The following LIMS2 variants were observed in gnomAD, a reference collection of about 807,000 sequenced individuals.
LIMS2 encodes the protein LIM and senescent cell antigen-like-containing domain protein 2.
A neutral mutation model predicts 45.3 loss-of-function variants in LIMS2; 30 were observed. That is an observed-to-expected ratio of 0.66 (90% CI 0.50 to 0.90). LIMS2 has a LOEUF of 0.90. Among genes scored for constraint, LIMS2 ranks in the 40% least tolerant of loss-of-function variants. The pLI, the probability that LIMS2 is intolerant of heterozygous loss-of-function variation, is 0.00. For missense variants in LIMS2, 485 were observed against 468.7 expected, an observed-to-expected ratio of 1.03 and a Z score of -0.32; for synonymous variants, 173 against 188.0, an observed-to-expected ratio of 0.92 and a Z score of 0.65.
chr2:127,642,409 G>T lies in LIMS2; in HGVS notation c.510-210C>A, dbSNP rs1682517917. 1.9e-6 allele frequency: 1 copy of T among 533,362 alleles called. No individual in the cohort carries two copies. Among genetic ancestry groups the T allele is most frequent in the African/African-American group, 1.9e-5 (1 of 52,078 alleles). 33.0% of individuals were successfully genotyped at this position (533,362 alleles called of 1,614,324 possible). A position where few individuals can be genotyped will look rare whatever the true frequency, so the allele number is the denominator to read the frequency against. Reference sequence around the variant, plus strand: ...CACAGACTTCCTGCACAGCCCAGAAGAGTGGGCTGTGTTCTGCACCCAGGC... The same window carrying T: ...CACAGACTTCCTGCACAGCCCAGAATAGTGGGCTGTGTTCTGCACCCAGGC... On this transcript the variant is annotated intron_variant, in intron 5 of 9. Coordinates refer to ENST00000355119, the MANE Select transcript of LIMS2 (RefSeq NM_001161403.3). The surrounding 1 kb of genome is among the most constrained non-coding windows in gnomAD (Gnocchi z 5.3).
intron 4 of LIMS2, chr2:127,651,447 G>A (rs141290754): frequency 4.5e-5 from 72 of 1,612,754 alleles, no homozygotes; most frequent in South Asian, 2.3e-4. Context: ...GCGCATGATC[G>A]CCATAGTGCT....
chr2:127,650,837 C>T lies in LIMS2; in HGVS notation c.359+3587G>A, dbSNP rs762605250. 14 of 1,613,968 alleles carry T rather than the reference C, an allele frequency of 8.7e-6. No homozygotes were observed. The African/African-American group carries it at 9.3e-5, about 11-fold the overall frequency. On this transcript the variant is annotated intron_variant, in intron 4 of 9. Transcript: ENST00000355119. Reference sequence around the variant, plus strand: ...AGACGCCACTGGAGAACATGCTGTTCGCCTCCTTCTACCTTCTGGATTTTA... The same window carrying T: ...AGACGCCACTGGAGAACATGCTGTTTGCCTCCTTCTACCTTCTGGATTTTA...
chr2:127,643,763 GC>G lies in LIMS2; in HGVS notation c.360-692del, dbSNP rs555394784. 5.9e-5 allele frequency among the ~76,000 whole-genome samples: 9 copies of G among 152,258 alleles called. No homozygotes were observed. In the East Asian group the frequency reaches 1.7e-3, roughly 29 times the overall value. ...AGGAATCTAGATTCAGAGTCCCCAG[GC>G]AAAGATACACAAAGGCCCCAATCCA... On this transcript the variant is annotated intron_variant, in intron 4 of 9. Coordinates refer to ENST00000355119, the MANE Select transcript of LIMS2 (RefSeq NM_001161403.3).
chr2:127,650,033 G>C, intron 4 of LIMS2: 1 of 1,608,798 alleles, frequency 6.2e-7, no homozygotes, highest in South Asian at 1.1e-5. Flanking sequence ...GAGTTGGTGG[G>C]CTGGATCCAG....
At chr2:127,654,090 A>C (rs1423710510) in intron 4 of LIMS2, among the ~76,000 whole-genome samples, 1 of 152,080 alleles carries the variant, frequency 6.6e-6, no homozygotes, top group Non-Finnish European at 1.5e-5. Flanking sequence ...AAATGTGGGC[A>C]TCTCCCTCCA....
In LIMS2 at chr2:127,642,190, C is replaced by G. The variant is rs774811834; in HGVS notation, c.519G>C (p.Leu173=). Residue 173 remains leucine (L), a synonymous_variant, in exon 6 of 10, where the codon CTG becomes CTC. Transcript: ENST00000355119. This position sits in a 1 kb window ranked among gnomAD's most constrained non-coding sequence, Gnocchi z 5.3. ...HFNCTHCGKE[L]TAEARELKGE... Reference sequence around the variant, plus strand: ...CCTTCAGCTCGCGGGCCTCGGCTGTCAGCTCCTTCCTGGAAGACAGCGTGC... The same window carrying G: ...CCTTCAGCTCGCGGGCCTCGGCTGTGAGCTCCTTCCTGGAAGACAGCGTGC... The G allele has an allele frequency of 5.1e-6, 8 of 1,557,994 alleles. No individual in the cohort carries two copies. The highest frequency in any genetic ancestry group is 7.0e-6 in the Non-Finnish European group (8 of 1,146,498).
intron 1 of LIMS2, among the ~76,000 whole-genome samples, chr2:127,658,453 G>A (rs1186143626): frequency 6.6e-6 from 1 of 152,130 alleles, no homozygotes; most frequent in East Asian, 1.9e-4. Flanking sequence ...TGGTGAGGGG[G>A]AGCAAATCTC....
chr2:127,664,699 G>T lies in LIMS2; in HGVS notation c.12-7137C>A. The stretch of plus-strand genomic sequence containing the variant: ...AGGCCCCAGACAGCACTGAGGTGAG[G>T]TCCACAGTGGCGGCAGGACACCCAG... On this transcript the variant is annotated intron_variant, in intron 1 of 9. Transcript: ENST00000355119. This position sits in a 1 kb window ranked among gnomAD's most constrained non-coding sequence, Gnocchi z 5.5. 1 of 745,336 alleles carries T rather than the reference G, an allele frequency of 1.3e-6. No homozygotes were observed. Among genetic ancestry groups the T allele is most frequent in the Non-Finnish European group, 1.6e-6 (1 of 610,594 alleles). The allele number at this position is 745,336 out of a possible 1,614,324, so 46.2% of individuals were successfully genotyped here. A position where few individuals can be genotyped will look rare whatever the true frequency, so the allele number is the denominator to read the frequency against.
upstream of LIMS2, among the ~76,000 whole-genome samples, chr2:127,676,034 G>A (rs987330001): frequency 6.6e-6 from 1 of 152,220 alleles, no homozygotes; most frequent in Non-Finnish European, 1.5e-5. Flanking sequence ...TAAGATGGAG[G>A]GGTAATATAA....
rs375805442 is a variant in LIMS2 at position 127,650,994 on chromosome 2, C to T, written c.359+3430G>A. On this transcript the variant is annotated intron_variant, in intron 4 of 9. Transcript: ENST00000355119. ...GTCGTGCGTGCTGGTCCTGCCCACCCGCCTGGTCTACCACTTCTCTGGGAA... is the reference window on the plus strand; with the variant it reads ...GTCGTGCGTGCTGGTCCTGCCCACCTGCCTGGTCTACCACTTCTCTGGGAA... 2.5e-5 allele frequency: 40 copies of T among 1,613,814 alleles called. 1 individual carries two copies. The Middle Eastern group carries it at 4.0e-3, about 160-fold the overall frequency.
chr2:127,671,707 G>T lies in LIMS2; in HGVS notation c.11+3307C>A, dbSNP rs868846585. Among the ~76,000 whole-genome samples the T allele has an allele frequency of 6.6e-6, 1 of 152,214 alleles. No homozygotes were observed. The highest frequency in any genetic ancestry group is 2.1e-4 in the South Asian group (1 of 4,838). On this transcript the variant is annotated intron_variant, in intron 1 of 9. Coordinates refer to ENST00000355119, the MANE Select transcript of LIMS2 (RefSeq NM_001161403.3). This position sits in a 1 kb window ranked among gnomAD's most constrained non-coding sequence, Gnocchi z 4.1. ...CTCCATCCCTATTATGCCACTGGCC[G>T]GCTAGAAGGGGCCAGTCAGCACCAG... is the stretch of plus-strand genomic sequence containing the variant.
At chr2:127,678,684 G>A (rs985332405), upstream of LIMS2, among the ~76,000 whole-genome samples, 4 of 152,196 alleles carry the variant, frequency 2.6e-5, no homozygotes, top group African/African-American at 7.2e-5. The surrounding 1 kb of genome is among the most constrained non-coding windows in gnomAD (Gnocchi z 5.3). Flanking sequence ...TGGGGCAGGT[G>A]TGTGTGTGGC....
At chr2:127,676,190 G>A (rs1173920998), upstream of LIMS2, among the ~76,000 whole-genome samples, 1 of 152,222 alleles carries the variant, frequency 6.6e-6, no homozygotes, top group Non-Finnish European at 1.5e-5. Flanking sequence ...AGGTTTGGGA[G>A]CTGGGCGGCC....
chr2:127,666,349 C>G (rs73954692), intron 1 of LIMS2, among the ~76,000 whole-genome samples: 4 of 151,986 alleles, frequency 2.6e-5, no homozygotes, highest in Non-Finnish European at 4.4e-5. Context: ...ACCCTAGGAA[C>G]ATTTGGTCAA....
At chr2:127,649,090 A>G (rs549006483) in intron 4 of LIMS2, among the ~76,000 whole-genome samples, 3 of 146,550 alleles carry the variant, frequency 2.0e-5, no homozygotes, top group South Asian at 4.3e-4. Context: ...AAAGAAAAAA[A>G]GAAAAAAGAA....
At chr2:127,641,956 G>T in intron 6 of LIMS2, 93 bp downstream of exon 6, 2 of 1,422,168 alleles carry the variant, frequency 1.4e-6, no homozygotes, top group Non-Finnish European at 1.9e-6. Flanking sequence ...CCCGCCCTGG[G>T]CTGGGAGTGT....
chr2:127,643,315 G>A, intron 4 of LIMS2: 1 of 572,740 alleles, frequency 1.7e-6, no homozygotes, highest in South Asian at 1.9e-5. Flanking sequence ...TACTGTCTCT[G>A]GATGGTATTT....
chr2:127,649,933 C>T (rs545686843), intron 4 of LIMS2: 11 of 1,238,560 alleles, frequency 8.9e-6, no homozygotes, highest in African/African-American at 7.5e-5. Flanking sequence ...TGGATCTACT[C>T]TGGGAGAGAA....
In LIMS2 at chr2:127,653,823, A is replaced by C. The variant is rs1472313937; in HGVS notation, c.359+601T>G. 2.0e-5 allele frequency among the ~76,000 whole-genome samples: 3 copies of C among 152,056 alleles called. No homozygotes were observed. The highest frequency in any genetic ancestry group is 7.2e-5 in the African/African-American group (3 of 41,400). On this transcript the variant is annotated intron_variant, in intron 4 of 9. Coordinates refer to ENST00000355119, the MANE Select transcript of LIMS2 (RefSeq NM_001161403.3). This position sits in a 1 kb window ranked among gnomAD's most constrained non-coding sequence, Gnocchi z 5.3. ...GAAGGCCCAGCAGTGTTTTTAACCCAGCTCCCCAGCCCAGTCCTTCAGAAA... is the reference window on the plus strand; with the variant it reads ...GAAGGCCCAGCAGTGTTTTTAACCCCGCTCCCCAGCCCAGTCCTTCAGAAA...
Sources: gnomAD v4.1 joint callset for allele counts (sites outside exome capture counted in the v4.1 genomes callset) on GRCh38, gnomAD v4.1.1 for gene constraint, Gnocchi (gnomAD v3.1) non-coding constraint, MANE v1.5 for transcripts, NCBI Gene and HGNC (gene_info 2026-07-23, HGNC 2026-07-21) for gene names.